The following OCA2 variants were observed in gnomAD, a reference collection of about 807,000 sequenced individuals.
The protein encoded by OCA2 is OCA2 melanosomal transmembrane protein.
In OCA2, 77 loss-of-function variants were observed where a neutral mutation model predicts 100.2. The ratio of observed to expected loss-of-function variants is 0.77; its 90% CI spans 0.64 to 0.93. The LOEUF (loss-of-function observed/expected upper bound fraction) is 0.93. Ranked by LOEUF, OCA2 falls within the 40% of genes least tolerant of loss-of-function variation. The pLI is 0.00. For missense variants in OCA2, 1,062 were observed against 1,089.1 expected, an observed-to-expected ratio of 0.98 and a Z score of 0.35; for synonymous variants, 432 against 439.2, an observed-to-expected ratio of 0.98 and a Z score of 0.21.
intron 7 of OCA2, among the ~76,000 whole-genome samples, chr15:28,017,527 T>C (rs1046062265): frequency 1.3e-5 from 2 of 152,190 alleles, no homozygotes; most frequent in Admixed American, 6.5e-5. Flanking sequence ...GGGAACCAAG[T>C]TGACATCCTA....
chr15:27,974,436 G>C (rs2040900891), intron 14 of OCA2, among the ~76,000 whole-genome samples: 1 of 152,124 alleles, frequency 6.6e-6, no homozygotes, highest in African/African-American at 2.4e-5. Flanking sequence ...TCTCCATACA[G>C]AGAAGTATTT....
intron 1 of OCA2, among the ~76,000 whole-genome samples, chr15:28,083,001 T>C (rs578192108): frequency 1.9e-4 from 29 of 152,356 alleles, no homozygotes; most frequent in Admixed American, 3.9e-4. Flanking sequence ...CTTGGTTTGC[T>C]GTCCAGGGTT....
intron 2 of OCA2, among the ~76,000 whole-genome samples, chr15:28,076,672 C>A (rs2044435645): frequency 6.6e-6 from 1 of 150,832 alleles, no homozygotes; most frequent in Non-Finnish European, 1.5e-5. Context: ...AAGGTGAAAC[C>A]CCGTCTCTAC....
At chr15:27,817,069 G>A (rs185720733) in intron 23 of OCA2, among the ~76,000 whole-genome samples, 5 of 152,240 alleles carry the variant, frequency 3.3e-5, no homozygotes, top group Admixed American at 2.6e-4. Flanking sequence ...GGCCATGGCC[G>A]TCCCTCTAGG....
rs565905216 is a variant in OCA2 at position 28,086,411 on chromosome 15, T to C, written c.-21-4516A>G. Among the ~76,000 whole-genome samples the C allele has an allele frequency of 5.9e-5, 9 of 152,272 alleles. No homozygotes were observed. The South Asian group carries it at 1.5e-3, about 25-fold the overall frequency. ...CCACCCAGCAATAAGGTGGAATCCT[T>C]CCCCATCTTGGGGAACCTGAACTTC... On this transcript the variant is annotated intron_variant, in intron 1 of 23. Transcript: ENST00000354638.
At chr15:27,836,805 C>T (rs2035170434) in intron 23 of OCA2, among the ~76,000 whole-genome samples, 1 of 152,276 alleles carries the variant, frequency 6.6e-6, no homozygotes, top group Admixed American at 6.5e-5. Context: ...AATATTGCTT[C>T]GAATACAGTA....
At chr15:27,846,144 G>A (rs6497248) in intron 22 of OCA2, among the ~76,000 whole-genome samples, 75,505 of 151,838 alleles carry the variant, frequency 0.5, 20,042 homozygotes, top group African/African-American at 0.7. Context: ...TGCGATATGC[G>A]AGTCTTCGGG....
intron 9 of OCA2, among the ~76,000 whole-genome samples, chr15:28,012,801 T>C (rs1311004951): frequency 6.6e-6 from 1 of 152,238 alleles, no homozygotes; most frequent in Non-Finnish European, 1.5e-5. Context: ...CATTGTATTG[T>C]ATTTTTTAAT....
At chr15:28,096,769 A>G (rs2044991641) in intron 1 of OCA2, among the ~76,000 whole-genome samples, 1 of 152,016 alleles carries the variant, frequency 6.6e-6, no homozygotes, top group Non-Finnish European at 1.5e-5. Flanking sequence ...CCAGCCTGGG[A>G]GGAGGGGCGG....
chr15:27,756,523 A>T (rs2030382989), intron 23 of OCA2, among the ~76,000 whole-genome samples: 3 of 152,268 alleles, frequency 2.0e-5, no homozygotes, highest in African/African-American at 7.2e-5. Flanking sequence ...TTTTGGGAAA[A>T]CTACTTAAAT....
intron 19 of OCA2, among the ~76,000 whole-genome samples, chr15:27,902,720 G>A (rs913996538): frequency 8.5e-5 from 13 of 152,196 alleles, no homozygotes; most frequent in African/African-American, 2.9e-4. Context: ...TTTAGGAAAG[G>A]CTTTGGGAAC....
chr15:27,894,193 A>G (rs184909481), intron 19 of OCA2, among the ~76,000 whole-genome samples: 2 of 152,280 alleles, frequency 1.3e-5, no homozygotes, highest in Admixed American at 1.3e-4. Context: ...GTTCCCCAAT[A>G]CTGTTTCACT....
At chr15:28,018,347 G>T in intron 7 of OCA2, 50 bp downstream of exon 7, 2 of 1,568,934 alleles carry the variant, frequency 1.3e-6, no homozygotes, top group Non-Finnish European at 1.8e-6. Context: ...AATTTATTAT[G>T]AGATGAAATG....
At chr15:27,757,830 T>C (rs2030509574) in intron 23 of OCA2, among the ~76,000 whole-genome samples, 1 of 152,150 alleles carries the variant, frequency 6.6e-6, no homozygotes, top group East Asian at 1.9e-4. Flanking sequence ...CCAAAGTGCA[T>C]GTTGACTGGG....
chr15:27,985,150 GATC>G lies in OCA2; in HGVS notation c.1275_1277del (p.Met425del), dbSNP rs752510351. 13 of 1,613,976 alleles carry G rather than the reference GATC, an allele frequency of 8.1e-6. No individual in the cohort carries two copies. In the African/African-American group the frequency reaches 1.7e-4, roughly 22 times the overall value. Reference sequence around the variant, plus strand: ...CGGCCGCGATGAGACAGAGCATGATGATCATGGCCCACACCCGTCCCCGGGAGA... The same window carrying G: ...CGGCCGCGATGAGACAGAGCATGATGATGGCCCACACCCGTCCCCGGGAGA... On this transcript the variant is annotated inframe_deletion, in exon 13 of 24. Transcript: ENST00000354638.
chr15:28,027,335 C>T (rs1263069527), intron 4 of OCA2, among the ~76,000 whole-genome samples: 1 of 152,208 alleles, frequency 6.6e-6, no homozygotes, highest in Non-Finnish European at 1.5e-5. Context: ...TGCAACTCTG[C>T]TTCCCCAAGC....
chr15:28,000,793 T>C (rs1256980425), intron 9 of OCA2, among the ~76,000 whole-genome samples: 1 of 151,990 alleles, frequency 6.6e-6, no homozygotes, highest in Non-Finnish European at 1.5e-5. Flanking sequence ...GATCAAAAAA[T>C]GGGCAAAGGA....
chr15:27,733,208 C>T, the OCA2 span, among the ~76,000 whole-genome samples: 11,238 of 152,186 alleles, frequency 0.074, 903 homozygotes, highest in African/African-American at 0.2. Flanking sequence ...TTCAGATGTT[C>T]GGATTTTTTA....
rs1471743747 is a variant in OCA2, at chr15:28,057,924, T to G, written c.227+23724A>C. Among the ~76,000 whole-genome samples the G allele has an allele frequency of 2.0e-5, 3 of 152,274 alleles. No homozygotes were observed. In the East Asian group the frequency reaches 5.8e-4, roughly 30 times the overall value. ...CAAACTAAGCCACCAGGCTGGACCC[T>G]GTGACTACTGGATCGTAAACAGCCT... On this transcript the variant is annotated intron_variant, in intron 2 of 23. Transcript: ENST00000354638.
Sources: allele counts gnomAD v4.1 joint callset (sites outside exome capture counted in the v4.1 genomes callset), GRCh38; gene constraint gnomAD v4.1.1; transcripts MANE v1.5; gene names NCBI Gene and HGNC (gene_info 2026-07-23, HGNC 2026-07-21).